The following AGMO variants were observed in gnomAD, a reference collection of about 807,000 sequenced individuals.
AGMO encodes alkylglycerol monooxygenase.
In AGMO, 75 loss-of-function variants were observed where a neutral mutation model predicts 60.2. That is an observed-to-expected ratio of 1.25 (90% confidence interval 1.03 to 1.51). AGMO has a LOEUF of 1.51. AGMO is among the 40% of genes most tolerant of loss of function. The pLI is 0.00. For synonymous variants in AGMO, 261 were observed against 177.1 expected (o/e 1.47, Z -3.76); for missense variants, 763 against 525.5 (o/e 1.45, Z -4.42).
the AGMO span, among the ~76,000 whole-genome samples, chr7:15,176,424 A>C: frequency 0.011 from 1,601 of 152,032 alleles, 27 homozygotes; most frequent in African/African-American, 0.037. Flanking sequence ...TCTTCTTTGC[A>C]ATCAGAAAGG....
intron 3 of AGMO, among the ~76,000 whole-genome samples, chr7:15,481,316 G>C (rs1182072662): frequency 6.6e-6 from 1 of 152,088 alleles, no homozygotes; most frequent in Non-Finnish European, 1.5e-5. Context: ...AGGACTCTGA[G>C]AACACTTTGA....
At position 15,351,075 on chromosome 7, in the gene AGMO, T is replaced by C. The variant is rs138679071; in HGVS notation, c.1263+14439A>G. ...AATTTTTTCAGCCAAAGTTATCAGA[T>C]GGCTAAGAAAATTGCAGTATAGTTT... On this transcript the variant is annotated intron_variant, in intron 12 of 12. Transcript: ENST00000342526. 6.2e-3 allele frequency among the ~76,000 whole-genome samples: 950 copies of C among 152,264 alleles called. 8 individuals are homozygous for C. Among genetic ancestry groups the C allele is most frequent in the Non-Finnish European group, 0.011 (754 of 68,006 alleles).
intron 8 of AGMO, among the ~76,000 whole-genome samples, chr7:15,388,937 G>A (rs1237128601): frequency 6.6e-6 from 1 of 152,164 alleles, no homozygotes; most frequent in African/African-American, 2.4e-5. Context: ...AAGACCTAGA[G>A]AATTGAACCT....
intron 12 of AGMO, among the ~76,000 whole-genome samples, chr7:15,263,120 A>G (rs1337482960): frequency 6.6e-6 from 1 of 152,168 alleles, no homozygotes; most frequent in East Asian, 1.9e-4. Flanking sequence ...AGCAAAAGAA[A>G]TAAACAGCAG....
At chr7:15,170,473 T>G in the AGMO span, among the ~76,000 whole-genome samples, 1 of 152,216 alleles carries the variant, frequency 6.6e-6, no homozygotes, top group African/African-American at 2.4e-5. Flanking sequence ...CATATTACAA[T>G]GTCATTCTAG....
intron 3 of AGMO, among the ~76,000 whole-genome samples, chr7:15,470,618 C>T (rs900543301): frequency 9.9e-5 from 15 of 152,040 alleles, no homozygotes; most frequent in African/African-American, 3.4e-4. Context: ...TTCCCTCAAA[C>T]CCTTACAATG....
At chr7:15,251,803 C>T (rs1444262142) in intron 12 of AGMO, among the ~76,000 whole-genome samples, 2 of 152,206 alleles carry the variant, frequency 1.3e-5, no homozygotes, top group South Asian at 4.1e-4. Flanking sequence ...GACAACACAG[C>T]TTTGCCTTAC....
chr7:15,465,749 T>C (rs945610922), intron 3 of AGMO, among the ~76,000 whole-genome samples: 2 of 151,824 alleles, frequency 1.3e-5, no homozygotes, highest in Non-Finnish European at 2.9e-5. Context: ...CTAAGTCTCA[T>C]ATATTTAAGA....
downstream of AGMO, among the ~76,000 whole-genome samples, chr7:15,198,250 AGAGAGACAGAGACAGAGAGAGAGTGT>A (rs1781183402): frequency 1.6e-4 from 12 of 76,154 alleles, no homozygotes; most frequent in Non-Finnish European, 2.3e-4. Context: ...AGAGAGAGAG[AGAGAGACAGAGACAGAGAGAGAGTGT>A]GTTAAAGTCC....
chr7:15,237,273 G>C (rs1563048977), intron 12 of AGMO, among the ~76,000 whole-genome samples: 2 of 152,132 alleles, frequency 1.3e-5, no homozygotes, highest in South Asian at 4.1e-4. Context: ...CTTCTTTGGA[G>C]GGTCAGGCTT....
chr7:15,383,346 G>A (rs188836493), intron 10 of AGMO, among the ~76,000 whole-genome samples: 19 of 151,888 alleles, frequency 1.3e-4, no homozygotes, highest in Non-Finnish European at 5.9e-5. Flanking sequence ...GTCTAAAGAA[G>A]CAATAGTCCC....
chr7:15,304,484 C>G (rs1057083096), intron 12 of AGMO, among the ~76,000 whole-genome samples: 5 of 151,974 alleles, frequency 3.3e-5, no homozygotes, highest in African/African-American at 4.8e-5. Flanking sequence ...TTTGCTATTA[C>G]TAAATGGTGG....
chr7:15,543,748 C>A (rs1444483650), intron 3 of AGMO, among the ~76,000 whole-genome samples: 1 of 151,828 alleles, frequency 6.6e-6, no homozygotes, highest in Non-Finnish European at 1.5e-5. Context: ...GTGCAAGTAT[C>A]TTTTTCATAT....
At chr7:15,194,223 T>C in the AGMO span, among the ~76,000 whole-genome samples, 1 of 152,168 alleles carries the variant, frequency 6.6e-6, no homozygotes, top group Non-Finnish European at 1.5e-5. Context: ...ATGAAAATAT[T>C]GATCCGTTTG....
intron 12 of AGMO, among the ~76,000 whole-genome samples, chr7:15,340,105 A>G (rs1758476894): frequency 6.6e-6 from 1 of 152,204 alleles, no homozygotes; most frequent in Non-Finnish European, 1.5e-5. Context: ...CATATGCACA[A>G]TAAGGTATCT....
chr7:15,161,998 A>G, the AGMO span, among the ~76,000 whole-genome samples: 1 of 152,088 alleles, frequency 6.6e-6, no homozygotes, highest in East Asian at 1.9e-4. Context: ...ACATGTTGAG[A>G]AAGGGACCTG....
chr7:15,407,706 T>G (rs1424383069), intron 5 of AGMO, among the ~76,000 whole-genome samples: 3 of 151,974 alleles, frequency 2.0e-5, no homozygotes, highest in East Asian at 1.9e-4. Flanking sequence ...TTATTAAAAT[T>G]TATGTGTGTG....
At chr7:15,375,032 C>T (rs1783390521) in intron 10 of AGMO, among the ~76,000 whole-genome samples, 2 of 152,148 alleles carry the variant, frequency 1.3e-5, no homozygotes, top group South Asian at 4.2e-4. Context: ...ATTCACTGGA[C>T]ATTCACTAAG....
intron 12 of AGMO, 133 bp downstream of exon 12, chr7:15,365,381 A>G (rs1163866059): frequency 2.2e-5 from 2 of 90,342 alleles, no homozygotes; most frequent in Non-Finnish European, 4.1e-5. Context: ...ACTGGTAAGT[A>G]AAAAAAAAAA....
Sources: allele counts gnomAD v4.1 joint callset (sites outside exome capture counted in the v4.1 genomes callset), GRCh38; gene constraint gnomAD v4.1.1; transcripts MANE v1.5; gene names NCBI Gene and HGNC (gene_info 2026-07-23, HGNC 2026-07-21).